Variants in B3GAT2 observed in about 807,000 individuals in gnomAD.
The protein encoded by B3GAT2 is beta-1,3-glucuronyltransferase 2.
B3GAT2 carries 26 observed loss-of-function variants against 27.8 expected under a neutral mutation model. That is an observed-to-expected ratio of 0.93 (90% CI 0.68 to 1.30). B3GAT2 has a LOEUF of 1.30. Among genes scored for constraint, B3GAT2 ranks in the 50% most tolerant of loss-of-function variants. The pLI is 0.00. For synonymous variants in B3GAT2, 218 were observed against 195.1 expected (o/e 1.12, Z -0.98); for missense variants, 458 against 459.0 (o/e 1.00, Z 0.02).
chr6:70,902,657 CACACACACAT>C (rs1772524625), intron 1 of B3GAT2, among the ~76,000 whole-genome samples: 2 of 150,146 alleles, frequency 1.3e-5, no homozygotes, highest in Non-Finnish European at 3.0e-5. Context: ...CACACACACA[CACACACACAT>C]ATATATATAT....
At chr6:70,920,553 G>C (rs890678305) in intron 1 of B3GAT2, among the ~76,000 whole-genome samples, 1 of 152,152 alleles carries the variant, frequency 6.6e-6, no homozygotes, top group African/African-American at 2.4e-5. Context: ...CTGCCATTTG[G>C]AGCAACTCTC....
At chr6:70,917,969 G>A (rs746123565) in intron 1 of B3GAT2, among the ~76,000 whole-genome samples, 27 of 152,156 alleles carry the variant, frequency 1.8e-4, no homozygotes, top group Non-Finnish European at 7.4e-5. Context: ...TTTCTGTCTC[G>A]TTGATCCATC....
chr6:70,861,340 G>T lies in B3GAT2; in HGVS notation c.*323C>A. 1 of 235,244 alleles carries T rather than the reference G, an allele frequency of 4.3e-6. No homozygotes were observed. 14.6% of individuals were successfully genotyped at this position (235,244 alleles called of 1,614,324 possible). ...CCTGTTCAAGTCTACCAATTATAAG[G>T]GCAAATTGGAGAAAAAGAAAAAATA... On this transcript the variant is annotated 3_prime_UTR_variant, in exon 4 of 4. Transcript: ENST00000230053.
chr6:70,909,402 A>C (rs764721134), intron 1 of B3GAT2, among the ~76,000 whole-genome samples: 12 of 152,220 alleles, frequency 7.9e-5, no homozygotes, highest in African/African-American at 2.7e-4. Context: ...CTGTGGCTTT[A>C]TTAATATCAG....
intron 1 of B3GAT2, among the ~76,000 whole-genome samples, chr6:70,948,068 A>G (rs1264906049): frequency 6.6e-6 from 1 of 151,766 alleles, no homozygotes; most frequent in African/African-American, 2.4e-5. Flanking sequence ...TTAGGTATTG[A>G]TGGGACGTAT....
Position 70,858,749 on chromosome 6 carries a change from T to G in B3GAT2, c.*2914A>C, listed in dbSNP as rs550210652. The G allele has an allele frequency of 6.5e-6, 1 of 152,992 alleles. No individual in the cohort carries two copies. The highest frequency in any genetic ancestry group is 1.5e-5 in the Non-Finnish European group (1 of 68,536). The allele number at this position is 152,992 out of a possible 1,614,324, so 9.5% of individuals were successfully genotyped here. A position where few individuals can be genotyped will look rare whatever the true frequency, so the allele number is the denominator to read the frequency against. On this transcript the variant is annotated 3_prime_UTR_variant, in exon 4 of 4. Coordinates refer to ENST00000230053, the MANE Select transcript of B3GAT2 (RefSeq NM_080742.3). ...TCGGATGATTACTGCCCCATGGCTC[T>G]GTAAAAATTCTTTTTGTTGAGAAAC... is the stretch of plus-strand genomic sequence containing the variant.
Position 70,861,865 on chromosome 6 carries a change from C to T in B3GAT2, c.850G>A (p.Glu284Lys), listed in dbSNP as rs750030557. The T allele has an allele frequency of 1.2e-5, 20 of 1,613,804 alleles. No homozygotes were observed. Among genetic ancestry groups the T allele is most frequent in the African/African-American group, 2.7e-5 (2 of 74,846 alleles). ...SDFLKQITTVEELEPKANNCT... is the reference protein window; with the variant it reads ...SDFLKQITTVKELEPKANNCT... ...TTATTTGCTTTCGGTTCCAGTTCTT[C>T]GACTGTTGTTATCTGTTTGAGAAAG... The change falls in exon 3 of 4, where the codon GAA becomes AAA. Residue 284 changes from glutamate to lysine, a missense_variant. Transcript: ENST00000230053.
At chr6:70,902,533 T>C (rs1772517518) in intron 1 of B3GAT2, among the ~76,000 whole-genome samples, 1 of 151,746 alleles carries the variant, frequency 6.6e-6, no homozygotes, top group Non-Finnish European at 1.5e-5. Flanking sequence ...AGAATGCCCA[T>C]GTTTATTGCA....
intron 1 of B3GAT2, among the ~76,000 whole-genome samples, chr6:70,902,617 G>GATATATATATATATATATATATATATAT (rs61150776): frequency 8.0e-6 from 1 of 125,258 alleles, no homozygotes; most frequent in African/African-American, 3.2e-5. Context: ...AAGAAAATGG[G>GATATATATATATATATATATATATATAT]ATATATATAT....
intron 1 of B3GAT2, among the ~76,000 whole-genome samples, chr6:70,915,403 A>G (rs927806472): frequency 1.3e-5 from 2 of 152,162 alleles, no homozygotes; most frequent in Non-Finnish European, 2.9e-5. Flanking sequence ...GAAGCTGTTT[A>G]GTTTAATTAG....
intron 2 of B3GAT2, among the ~76,000 whole-genome samples, chr6:70,863,804 G>T (rs546540827): frequency 6.6e-6 from 1 of 152,228 alleles, no homozygotes; most frequent in South Asian, 2.1e-4. Flanking sequence ...ACCATTTATG[G>T]CTGAAAGAAT....
intron 1 of B3GAT2, among the ~76,000 whole-genome samples, chr6:70,908,420 G>A (rs1198935800): frequency 1.3e-5 from 2 of 152,116 alleles, no homozygotes; most frequent in East Asian, 3.8e-4. Context: ...CTATGGTGTT[G>A]AATACAGAGA....
At chr6:70,910,883 T>C (rs563816296) in intron 1 of B3GAT2, among the ~76,000 whole-genome samples, 39 of 152,350 alleles carry the variant, frequency 2.6e-4, no homozygotes, top group Non-Finnish European at 5.3e-4. Context: ...TGGTGTGAGA[T>C]GGTATCTCAC....
intron 1 of B3GAT2, among the ~76,000 whole-genome samples, chr6:70,904,773 A>C (rs76323628): frequency 0.05 from 7,602 of 152,278 alleles, 198 homozygotes; most frequent in African/African-American, 0.067. Context: ...GTGTGTAGCT[A>C]TTCTTGGGTA....
intron 2 of B3GAT2, among the ~76,000 whole-genome samples, chr6:70,865,500 T>C (rs1771835198): frequency 6.6e-6 from 1 of 152,206 alleles, no homozygotes; most frequent in Non-Finnish European, 1.5e-5. Flanking sequence ...AATCTAGAGA[T>C]GATTTAAAGT....
intron 1 of B3GAT2, among the ~76,000 whole-genome samples, chr6:70,938,222 AACTACAAACC>A (rs1298158901): frequency 7.2e-6 from 1 of 139,582 alleles, no homozygotes; most frequent in Non-Finnish European, 1.5e-5. Flanking sequence ...CTTCAAGGAG[AACTACAAACC>A]ACTGCTCAAT....
rs1266677813 is a variant in B3GAT2, at chr6:70,860,995, T to C, written c.*668A>G. On this transcript the variant is annotated 3_prime_UTR_variant, in exon 4 of 4. Coordinates refer to ENST00000230053, the MANE Select transcript of B3GAT2 (RefSeq NM_080742.3). ...CTTCTTAATGTACATAGTGCTAACA[T>C]GAAGACCTTTTTCTGCACTATATGC... is the stretch of plus-strand genomic sequence containing the variant. 3.2e-6 allele frequency: 1 copy of C among 308,814 alleles called. No homozygotes were observed. Among genetic ancestry groups the C allele is most frequent in the East Asian group, 4.9e-5 (1 of 20,322 alleles). 19.1% of individuals were successfully genotyped at this position (308,814 alleles called of 1,614,324 possible).
At chr6:70,900,330 T>C (rs1462738970) in intron 1 of B3GAT2, among the ~76,000 whole-genome samples, 1 of 152,180 alleles carries the variant, frequency 6.6e-6, no homozygotes, top group Non-Finnish European at 1.5e-5. Context: ...GTTCATCACG[T>C]TGTCATCTTC....
At position 70,876,549 on chromosome 6, in the gene B3GAT2, C is replaced by T. The variant is rs75695836; in HGVS notation, c.737-14571G>A. Among the ~76,000 whole-genome samples, 480 of 152,244 alleles carry T rather than the reference C, an allele frequency of 3.2e-3. 3 individuals are homozygous for T. Among genetic ancestry groups the T allele is most frequent in the African/African-American group, 0.01 (423 of 41,546 alleles). On this transcript the variant is annotated intron_variant, in intron 2 of 3. Transcript: ENST00000230053. ...AAATGCAGATAGCTATCATCTTATA[C>T]GGTTATTGTAAATCTTAAATGAATA...
Sources: allele counts gnomAD v4.1 joint callset (sites outside exome capture counted in the v4.1 genomes callset), GRCh38; gene constraint gnomAD v4.1.1; transcripts MANE v1.5; gene names NCBI Gene and HGNC (gene_info 2026-07-23, HGNC 2026-07-21).